HERC1: variants seen among roughly 807,000 people sequenced by gnomAD.
HERC1 encodes the protein probable E3 ubiquitin-protein ligase HERC1.
Under a neutral mutation model 554.3 loss-of-function variants are expected in HERC1, and 160 were observed. The observed-to-expected ratio is 0.29, with a 90% CI of 0.25 to 0.33. The LOEUF (loss-of-function observed/expected upper bound fraction) is 0.33. Among genes scored for constraint, HERC1 ranks in the 10% least tolerant of loss-of-function variants. The pLI is 1.00. For synonymous variants in HERC1, 2,175 were observed against 2,131.7 expected (o/e 1.02, Z -0.56); for missense variants, 4,919 against 5,918.5 (o/e 0.83, Z 5.54).
At chr15:63,797,141 A>C (rs1280783288) in intron 1 of HERC1, among the ~76,000 whole-genome samples, 2 of 152,216 alleles carry the variant, frequency 1.3e-5, no homozygotes, top group African/African-American at 4.8e-5. Context: ...CAAGGATGAT[A>C]ATAACCTTTC....
chr15:63,628,950 A>T, intron 69 of HERC1, 135 bp from the exon 70 acceptor site: 1 of 765,542 alleles, frequency 1.3e-6, no homozygotes, highest in East Asian at 2.8e-5. Context: ...AATAAAACAC[A>T]TTCTTTTTTT....
At position 63,826,801 on chromosome 15, in the gene HERC1, AAAAAAAAAAAAAAATATAT is replaced by A. The variant is rs1221578261; in HGVS notation, c.-27+7007_-27+7025del. On this transcript the variant is annotated intron_variant, in intron 1 of 77. Coordinates refer to ENST00000443617, the MANE Select transcript of HERC1 (RefSeq NM_003922.4). Reference sequence around the variant, plus strand: ...ATCTCTGGTAAAAAAAAAAAAAAAAAAAAAAAAAAAAAAATATATATATATATATATATATATATATAAA... The same window carrying A: ...ATCTCTGGTAAAAAAAAAAAAAAAAAATATATATATATATATATATATAAA... Among the ~76,000 whole-genome samples the A allele has an allele frequency of 1.4e-4, 12 of 84,142 alleles. 1 individual carries two copies. The highest frequency in any genetic ancestry group is 3.6e-4 in the South Asian group (1 of 2,764). The allele number at this position is 84,142 out of a possible 152,430, so 55.2% of individuals were successfully genotyped here.
intron 32 of HERC1, among the ~76,000 whole-genome samples, chr15:63,689,910 TC>T (rs2072007299): frequency 6.6e-6 from 1 of 152,130 alleles, no homozygotes; most frequent in Non-Finnish European, 1.5e-5. Flanking sequence ...ATGCCTGTAA[TC>T]CCAGCACTTT....
rs2068617070 is a variant in HERC1 at position 63,632,694 on chromosome 15, T to C, written c.12796+15A>G. The C allele has an allele frequency of 3.3e-6, 5 of 1,500,038 alleles. No individual in the cohort carries two copies. Among genetic ancestry groups the C allele is most frequent in the Non-Finnish European group, 3.6e-6 (4 of 1,099,888 alleles). The allele number at this position is 1,500,038 out of a possible 1,614,324, so 92.9% of individuals were successfully genotyped here. A position where few individuals can be genotyped will look rare whatever the true frequency, so the allele number is the denominator to read the frequency against. The stretch of plus-strand genomic sequence containing the variant: ...ATGATGTGTACCCAAGCAAATAAGC[T>C]GAAAAATGTCTTACCTTGACCAAAG... On this transcript the variant is annotated intron_variant, in intron 68 of 77. Coordinates refer to ENST00000443617, the MANE Select transcript of HERC1 (RefSeq NM_003922.4).
Position 63,623,831 on chromosome 15 carries a change from G to A in HERC1, c.13505C>T (p.Ala4502Val). 1 of 1,614,032 alleles carries A rather than the reference G, an allele frequency of 6.2e-7. No individual in the cohort carries two copies. Among genetic ancestry groups the A allele is most frequent in the Non-Finnish European group, 8.5e-7 (1 of 1,179,892 alleles). The change falls in exon 73 of 78, where the codon GCT (alanine) becomes GTT (valine). Residue 4502 changes from alanine to valine, a missense_variant. Ala to Val is a moderately conservative substitution (Grantham distance 64). This residue lies in a region of HERC1 where 410 missense variants were observed against 467.0 expected (regional missense o/e 0.88). Transcript: ENST00000443617. Reference protein sequence around the residue: ...QIARQVVKLNASDLRLPSRAW... With the variant: ...QIARQVVKLNVSDLRLPSRAW... ...TCGGGAAGGCAGGCGGAGGTCTGAAGCATTCAGCTTAACTACTTGTCTCGC... is the reference window on the plus strand; with the variant it reads ...TCGGGAAGGCAGGCGGAGGTCTGAAACATTCAGCTTAACTACTTGTCTCGC...
In HERC1 at chr15:63,655,941, A is replaced by G. The variant is rs769846864; in HGVS notation, c.9885T>C (p.Ala3295=). The G allele has an allele frequency of 6.2e-7, 1 of 1,611,898 alleles. No homozygotes were observed. ...VQLCTQNLIS[A]ATGVNLTTVD... is the part of the protein sequence containing the mutation. ...CTGTGGTTAGATTTACACCTGTTGC[A>G]GCAGAAATCAAGTTCTGAAGAAGCA... Residue 3295 remains alanine (A), a synonymous_variant, in exon 50 of 78, where the codon GCT becomes GCC. Coordinates refer to ENST00000443617, the MANE Select transcript of HERC1 (RefSeq NM_003922.4).
chr15:63,623,924 A>G (rs759038993), intron 72 of HERC1, 34 bp from the exon 73 acceptor site: 1 of 1,602,630 alleles, frequency 6.2e-7, no homozygotes, highest in African/African-American at 1.3e-5. Context: ...ATGAAATACA[A>G]CTCTTACCAA....
chr15:63,701,939 T>C (rs2072743003), intron 25 of HERC1, among the ~76,000 whole-genome samples: 2 of 152,168 alleles, frequency 1.3e-5, no homozygotes, highest in African/African-American at 4.8e-5. Context: ...CTAAGCCCAA[T>C]TCTTAATACT....
intron 1 of HERC1, among the ~76,000 whole-genome samples, chr15:63,779,101 G>A (rs2076201519): frequency 6.6e-6 from 1 of 151,768 alleles, no homozygotes; most frequent in South Asian, 2.1e-4. Context: ...TGAAAAGGGT[G>A]AGAGAAATAA....
At chr15:63,773,289 C>A (rs1214705995) in intron 2 of HERC1, among the ~76,000 whole-genome samples, 2 of 151,612 alleles carry the variant, frequency 1.3e-5, no homozygotes, top group African/African-American at 4.8e-5. Context: ...ACTAAAAGTA[C>A]AAAAATTAGC....
At chr15:63,803,110 T>C (rs1225248472) in intron 1 of HERC1, among the ~76,000 whole-genome samples, 2 of 152,078 alleles carry the variant, frequency 1.3e-5, no homozygotes, top group Non-Finnish European at 2.9e-5. Context: ...GAGGCTGAGA[T>C]GGGAGGATCG....
chr15:63,609,046 G>T lies in HERC1; in HGVS notation c.*35C>A. 1 of 1,582,534 alleles carries T rather than the reference G, an allele frequency of 6.3e-7. No individual in the cohort carries two copies. The highest frequency in any genetic ancestry group is 8.6e-7 in the Non-Finnish European group (1 of 1,157,576). ...CATCAAATCAGAAGTGAGCATTATT[G>T]AGGGAGAGAAGGGAGGGTGAGAGCA... On this transcript the variant is annotated 3_prime_UTR_variant, in exon 78 of 78. Coordinates refer to ENST00000443617, the MANE Select transcript of HERC1 (RefSeq NM_003922.4).
At chr15:63,693,810 A>G (rs938352861) in intron 30 of HERC1, among the ~76,000 whole-genome samples, 154 bp downstream of exon 30, 1 of 152,192 alleles carries the variant, frequency 6.6e-6, no homozygotes, top group African/African-American at 2.4e-5. Context: ...CATCTAAATC[A>G]TATATACGTG....
At chr15:63,806,941 T>C (rs1394473833) in intron 1 of HERC1, among the ~76,000 whole-genome samples, 1 of 152,014 alleles carries the variant, frequency 6.6e-6, no homozygotes, top group Non-Finnish European at 1.5e-5. Flanking sequence ...AGAGACAGGG[T>C]TTCACCATGT....
At chr15:63,646,530 C>T (rs1052299928) in intron 55 of HERC1, among the ~76,000 whole-genome samples, 1 of 151,280 alleles carries the variant, frequency 6.6e-6, no homozygotes, top group Non-Finnish European at 1.5e-5. Flanking sequence ...GGCTGGGCAC[C>T]GTGGCTCACG....
chr15:63,744,618 T>C (rs937567951), intron 12 of HERC1, among the ~76,000 whole-genome samples: 2 of 152,048 alleles, frequency 1.3e-5, no homozygotes, highest in African/African-American at 2.4e-5. Flanking sequence ...CCTCGCCCCA[T>C]AGCTACCACC....
rs1566986339 is a variant in HERC1 at position 63,663,217 on chromosome 15, C to CA, written c.8681-14dup. The CA allele has an allele frequency of 1.3e-6, 2 of 1,592,746 alleles. No homozygotes were observed. Among genetic ancestry groups the CA allele is most frequent in the Non-Finnish European group, 1.7e-6 (2 of 1,168,542 alleles). ...CGGTATAATCCCGCTCAGAACAAAA[C>CA]AAAAAAGGCATTTTATTTGCATGCA... On this transcript the variant is annotated splice_polypyrimidine_tract_variant and intron_variant, in intron 43 of 77. Coordinates refer to ENST00000443617, the MANE Select transcript of HERC1 (RefSeq NM_003922.4).
Position 63,672,712 on chromosome 15 carries a change from G to C in HERC1, c.7847-18C>G. On this transcript the variant is annotated intron_variant, in intron 38 of 77. Coordinates refer to ENST00000443617, the MANE Select transcript of HERC1 (RefSeq NM_003922.4). ...ATCAATCTCTAGAAACCAAAAAAAA[G>C]GTTAAGAAAGTAGTAAGGATTTGTT... 3 of 1,532,342 alleles carry C rather than the reference G, an allele frequency of 2.0e-6. No individual in the cohort carries two copies. The highest frequency in any genetic ancestry group is 2.7e-6 in the Non-Finnish European group (3 of 1,130,504). 94.9% of individuals were successfully genotyped at this position (1,532,342 alleles called of 1,614,324 possible). A position where few individuals can be genotyped will look rare whatever the true frequency, so the allele number is the denominator to read the frequency against.
At chr15:63,615,977 A>G in intron 75 of HERC1, 57 bp from the exon 76 acceptor site, 1 of 1,387,616 alleles carries the variant, frequency 7.2e-7, no homozygotes, top group Non-Finnish European at 9.8e-7. Flanking sequence ...AGCAAAAAGT[A>G]TTTTACATAC....
Sources: allele counts gnomAD v4.1 joint callset (sites outside exome capture counted in the v4.1 genomes callset), GRCh38; gene constraint gnomAD v4.1.1; regional missense constraint gnomAD v4.1.1; transcripts MANE v1.5; gene names NCBI Gene and HGNC (gene_info 2026-07-23, HGNC 2026-07-21).